Variants in EML4 observed in about 807,000 individuals in gnomAD.
EML4 encodes EMAP like 4.
In EML4, 72 loss-of-function variants were observed where a neutral mutation model predicts 129.0. The observed-to-expected ratio is 0.56, with a 90% CI of 0.46 to 0.68. The LOEUF (loss-of-function observed/expected upper bound fraction) is 0.68, where lower values mean the gene tolerates loss of function less well. EML4 is among the 30% of genes least tolerant of loss of function. The pLI, the probability that EML4 is intolerant of heterozygous loss-of-function variation, is 0.00. For missense variants in EML4, 1,363 were observed against 1,190.6 expected, an observed-to-expected ratio of 1.14 and a Z score of -2.13; for synonymous variants, 532 against 405.0, an observed-to-expected ratio of 1.31 and a Z score of -3.77.
intron 1 of EML4, among the ~76,000 whole-genome samples, chr2:42,211,967 C>T (rs916128734): frequency 6.6e-6 from 1 of 152,088 alleles, no homozygotes; most frequent in African/African-American, 2.4e-5. Context: ...GCGTCAGCCC[C>T]CCAAGTAGCT....
At chr2:42,268,598 A>C (rs1666198456) in intron 6 of EML4, among the ~76,000 whole-genome samples, 1 of 151,998 alleles carries the variant, frequency 6.6e-6, no homozygotes, top group East Asian at 1.9e-4. Flanking sequence ...CACAACACCC[A>C]GCTAATTTTT....
At chr2:42,305,656 A>T (rs1190062015) in intron 17 of EML4, among the ~76,000 whole-genome samples, 4 of 152,206 alleles carry the variant, frequency 2.6e-5, no homozygotes, top group Non-Finnish European at 5.9e-5. Flanking sequence ...AATTGACTCA[A>T]CTTTATTGCC....
intron 1 of EML4, among the ~76,000 whole-genome samples, chr2:42,210,829 C>G (rs1170513768): frequency 6.6e-6 from 1 of 152,132 alleles, no homozygotes; most frequent in Non-Finnish European, 1.5e-5. Context: ...TCCTTACTTT[C>G]TGGCACTATA....
chr2:42,191,281 T>G (rs899966888), intron 1 of EML4, among the ~76,000 whole-genome samples: 2 of 152,214 alleles, frequency 1.3e-5, no homozygotes, highest in Non-Finnish European at 2.9e-5. Flanking sequence ...ATTAGAACTC[T>G]GTCTCTTCCA....
intron 13 of EML4, among the ~76,000 whole-genome samples, chr2:42,296,124 A>G (rs1667935721): frequency 1.3e-5 from 2 of 152,316 alleles, no homozygotes; most frequent in African/African-American, 4.8e-5. Flanking sequence ...AACCTTTTTT[A>G]AACCCCATTT....
intron 19 of EML4, 111 bp from the exon 20 acceptor site, chr2:42,325,356 C>A: frequency 1.7e-6 from 1 of 604,358 alleles, no homozygotes; most frequent in Non-Finnish European, 3.2e-6. Context: ...TGCTTCCTCT[C>A]CTTTAGAAAT....
intron 1 of EML4, among the ~76,000 whole-genome samples, chr2:42,233,573 CT>C (rs1216786091): frequency 6.6e-6 from 1 of 152,070 alleles, no homozygotes; most frequent in Admixed American, 6.5e-5. Flanking sequence ...TCCCAAAGTG[CT>C]GGGATTACAG....
intron 1 of EML4, among the ~76,000 whole-genome samples, chr2:42,180,943 C>G (rs539691163): frequency 1.3e-5 from 2 of 152,326 alleles, no homozygotes; most frequent in East Asian, 3.9e-4. Flanking sequence ...GTTTTGTAGA[C>G]TGTCCCTAAA....
At position 42,189,999 on chromosome 2, in the gene EML4, C is replaced by T. The variant is rs916857490; in HGVS notation, c.25+20363C>T. ...AAAAAAAAGTCATCAAAATTGGGCTCTTTTTTTTTTTAGGTGATGGTGTTT... is the reference window on the plus strand; with the variant it reads ...AAAAAAAAGTCATCAAAATTGGGCTTTTTTTTTTTTTAGGTGATGGTGTTT... On this transcript the variant is annotated intron_variant, in intron 1 of 22. Transcript: ENST00000318522. Among the ~76,000 whole-genome samples the T allele has an allele frequency of 5.6e-5, 8 of 142,564 alleles. No individual in the cohort carries two copies. In the East Asian group the frequency reaches 1.4e-3, roughly 25 times the overall value. 93.5% of individuals were successfully genotyped at this position (142,564 alleles called of 152,430 possible).
chr2:42,247,857 G>A (rs1675513479), intron 2 of EML4, among the ~76,000 whole-genome samples: 1 of 151,668 alleles, frequency 6.6e-6, no homozygotes, highest in Non-Finnish European at 1.5e-5. Context: ...AGAGAGGGAA[G>A]AACAAATTTC....
At chr2:42,304,011 A>C (rs6724757) in intron 16 of EML4, among the ~76,000 whole-genome samples, 134,442 of 152,278 alleles carry the variant, frequency 0.88, 59,864 homozygotes, top group African/African-American at 0.92. Flanking sequence ...AAAGATTTCA[A>C]ATATCTACAT....
At chr2:42,194,923 G>T (rs529697562) in intron 1 of EML4, among the ~76,000 whole-genome samples, 21 of 152,220 alleles carry the variant, frequency 1.4e-4, no homozygotes, top group Admixed American at 1.4e-3. Flanking sequence ...AGAGTTAAAA[G>T]TTAATTTTTT....
At chr2:42,316,257 A>G (rs910794588) in intron 18 of EML4, among the ~76,000 whole-genome samples, 2 of 152,256 alleles carry the variant, frequency 1.3e-5, no homozygotes, top group African/African-American at 2.4e-5. Context: ...TGAATCATCA[A>G]ATTTAAAATG....
intron 13 of EML4, among the ~76,000 whole-genome samples, chr2:42,300,089 T>C (rs770699739): frequency 6.6e-6 from 1 of 152,280 alleles, no homozygotes; most frequent in Non-Finnish European, 1.5e-5. Context: ...ATAGACATAC[T>C]GTGTTTTTAA....
intron 1 of EML4, among the ~76,000 whole-genome samples, chr2:42,224,271 G>A (rs1663529162): frequency 6.6e-6 from 1 of 152,074 alleles, no homozygotes; most frequent in South Asian, 2.1e-4. Flanking sequence ...AGGTTTGCCT[G>A]TTCAGGACAT....
chr2:42,265,830 C>G (rs1465526567), intron 6 of EML4, among the ~76,000 whole-genome samples: 1 of 152,174 alleles, frequency 6.6e-6, no homozygotes, highest in Non-Finnish European at 1.5e-5. Flanking sequence ...CTTCTGGCTA[C>G]TTGCTGTTGT....
At chr2:42,223,966 T>A (rs896702447) in intron 1 of EML4, among the ~76,000 whole-genome samples, 1 of 152,116 alleles carries the variant, frequency 6.6e-6, no homozygotes, top group African/African-American at 2.4e-5. Flanking sequence ...TAAATTCTAT[T>A]TATACCTTCT....
chr2:42,275,467 G>A lies in EML4; in HGVS notation c.668-5383G>A, dbSNP rs144015923. 1.2e-4 allele frequency among the ~76,000 whole-genome samples: 18 copies of A among 152,248 alleles called. No homozygotes were observed. In the East Asian group the frequency reaches 3.3e-3, roughly 28 times the overall value. ...AATTTATTTAACCTCTCTGAGTGTT[G>A]GTTTCCCCTTCTGTAAAAGGAGGTT... On this transcript the variant is annotated intron_variant, in intron 6 of 22. Coordinates refer to ENST00000318522, the MANE Select transcript of EML4 (RefSeq NM_019063.5).
chr2:42,271,957 C>G (rs777951620), intron 6 of EML4, among the ~76,000 whole-genome samples: 1 of 151,828 alleles, frequency 6.6e-6, no homozygotes, highest in Non-Finnish European at 1.5e-5. Context: ...CAAAAATTTG[C>G]CAGGCATGAT....
Sources: allele counts gnomAD v4.1 joint callset (sites outside exome capture counted in the v4.1 genomes callset), GRCh38; gene constraint gnomAD v4.1.1; transcripts MANE v1.5; gene names NCBI Gene and HGNC (gene_info 2026-07-23, HGNC 2026-07-21).